Variants in PCTP observed in about 807,000 individuals in gnomAD.
PCTP encodes the protein START domain-containing protein 2.
PCTP carries 27 observed loss-of-function variants against 31.0 expected under a neutral mutation model. The ratio of observed to expected loss-of-function variants is 0.87; its 90% CI spans 0.64 to 1.20. The LOEUF is 1.20. Ranked by LOEUF, PCTP falls within the 50% of genes most tolerant of loss-of-function variation. The probability of loss-of-function intolerance (pLI) is 0.00; values close to 1 mark genes in which losing one functional copy is unlikely to be tolerated. For missense variants in PCTP, 287 were observed against 268.2 expected (o/e 1.07, Z -0.49); for synonymous variants, 108 against 101.2 (o/e 1.07, Z -0.40).
intron 1 of PCTP, among the ~76,000 whole-genome samples, chr17:55,761,051 G>A (rs1910315187): frequency 6.6e-6 from 1 of 152,300 alleles, no homozygotes; most frequent in East Asian, 1.9e-4. Flanking sequence ...AGACATTGTA[G>A]GGAATAGAAG....
At chr17:55,809,682 C>A (rs1292672015) in intron 3 of PCTP, among the ~76,000 whole-genome samples, 3 of 151,874 alleles carry the variant, frequency 2.0e-5, no homozygotes, top group Non-Finnish European at 4.4e-5. Flanking sequence ...GCCACCATGC[C>A]CAGCTAATTT....
intron 3 of PCTP, among the ~76,000 whole-genome samples, chr17:55,810,175 A>G (rs1278408584): frequency 6.6e-6 from 1 of 152,088 alleles, no homozygotes; most frequent in Non-Finnish European, 1.5e-5. Context: ...ATGCACCACT[A>G]TGTTGGCTAA....
In PCTP at chr17:55,767,445, T is replaced by C. The variant is rs1910729524; in HGVS notation, c.252T>C (p.Tyr84=). The C allele has an allele frequency of 6.3e-7, 1 of 1,587,518 alleles. No individual in the cohort carries two copies. The highest frequency in any genetic ancestry group is 1.4e-5 in the African/African-American group (1 of 72,742). Residue 84 remains tyrosine (Y), a synonymous_variant, in exon 2 of 6, where the codon TAT becomes TAC. Transcript: ENST00000268896. ...ATTACAGAAAACAATGGGACCAGTATGTTAAAGGTGAGTGATGCTTGCTTT... is the reference window on the plus strand; with the variant it reads ...ATTACAGAAAACAATGGGACCAGTACGTTAAAGGTGAGTGATGCTTGCTTT... ...DSDYRKQWDQ[Y]VKELYEQECN...
Position 55,776,017 on chromosome 17 carries a change from G to A in PCTP, c.580-18G>A. The stretch of plus-strand genomic sequence containing the variant: ...CCACTGTGAAGACATAGAAATGACA[G>A]TCTCATTTCCTTTGCAGAATGGAGT... On this transcript the variant is annotated intron_variant, in intron 5 of 5. Coordinates refer to ENST00000268896, the MANE Select transcript of PCTP (RefSeq NM_021213.4). The A allele has an allele frequency of 6.2e-7, 1 of 1,613,468 alleles. No homozygotes were observed. Among genetic ancestry groups the A allele is most frequent in the Non-Finnish European group, 8.5e-7 (1 of 1,179,812 alleles).
intron 3 of PCTP, among the ~76,000 whole-genome samples, chr17:55,813,802 G>C (rs555869726): frequency 6.6e-6 from 1 of 152,220 alleles, no homozygotes; most frequent in South Asian, 2.1e-4. Flanking sequence ...TAGAACTTTG[G>C]GAGGCTGAGG....
intron 3 of PCTP, among the ~76,000 whole-genome samples, chr17:55,795,453 T>G (rs1479417871): frequency 6.6e-6 from 1 of 152,024 alleles, no homozygotes; most frequent in Non-Finnish European, 1.5e-5. Context: ...CAGAGAACCA[T>G]CGTCTGCCTT....
At chr17:55,832,589 CA>C (rs1284818546) in intron 5 of PCTP, among the ~76,000 whole-genome samples, 1 of 152,212 alleles carries the variant, frequency 6.6e-6, no homozygotes, top group Admixed American at 6.5e-5. Flanking sequence ...TCGATGGCTT[CA>C]ACCTGAGTGT....
At chr17:55,751,548 C>G (rs1225484497) in intron 1 of PCTP, 4 of 1,344,626 alleles carry the variant, frequency 3.0e-6, no homozygotes, top group African/African-American at 3.0e-5. Context: ...TTCCTAGGCC[C>G]GTGCACACGT....
downstream of PCTP, among the ~76,000 whole-genome samples, chr17:55,845,085 CAAAAAAA>C (rs891404386): frequency 2.2e-3 from 70 of 32,524 alleles, no homozygotes; most frequent in East Asian, 0.01. Flanking sequence ...AAAACTCCAT[CAAAAAAA>C]AAAAAAAAAA....
At chr17:55,829,793 G>T (rs1367156916) in intron 5 of PCTP, among the ~76,000 whole-genome samples, 2 of 152,060 alleles carry the variant, frequency 1.3e-5, no homozygotes, top group Admixed American at 6.5e-5. Context: ...TCCACAGATG[G>T]TGGCTTGTGT....
downstream of PCTP, among the ~76,000 whole-genome samples, chr17:55,782,249 T>C (rs1203207866): frequency 6.6e-6 from 1 of 152,196 alleles, no homozygotes; most frequent in Non-Finnish European, 1.5e-5. Context: ...CATCAGCTAC[T>C]CAATTCAAAC....
chr17:55,798,921 A>G (rs900528983), intron 3 of PCTP, among the ~76,000 whole-genome samples: 2 of 151,980 alleles, frequency 1.3e-5, no homozygotes, highest in African/African-American at 4.8e-5. Flanking sequence ...ACCCTAGCAT[A>G]AAAGACAGCA....
At chr17:55,774,891 G>GGGGGGGGGGGGGGT in intron 5 of PCTP, 32 bp downstream of exon 5, 1 of 528,842 alleles carries the variant, frequency 1.9e-6, no homozygotes, top group Non-Finnish European at 3.7e-6. Context: ...CGGGGGGAGG[G>GGGGGGGGGGGGGGT]ATGGGGGAGT....
intron 2 of PCTP, among the ~76,000 whole-genome samples, chr17:55,786,085 C>A (rs956740271): frequency 6.6e-6 from 1 of 152,180 alleles, no homozygotes; most frequent in Non-Finnish European, 1.5e-5. Flanking sequence ...GAGTTCAAGA[C>A]CAGCCTGGCC....
At chr17:55,775,683 A>G in intron 5 of PCTP, 3 of 1,214,462 alleles carry the variant, frequency 2.5e-6, no homozygotes, top group Non-Finnish European at 3.1e-6. Flanking sequence ...TTTCTAATTC[A>G]GTAAAGCAAG....
At chr17:55,799,719 C>G (rs1055929516) in intron 3 of PCTP, among the ~76,000 whole-genome samples, 1 of 152,038 alleles carries the variant, frequency 6.6e-6, no homozygotes, top group Non-Finnish European at 1.5e-5. Context: ...ACCAGTTTTT[C>G]CTTTCCATAT....
At chr17:55,775,233 A>G in intron 5 of PCTP, 1 of 1,257,038 alleles carries the variant, frequency 8.0e-7, no homozygotes, top group East Asian at 3.0e-5. Context: ...CTTGGAGACA[A>G]CCAGATGTGT....
chr17:55,780,755 C>T (rs181569167), downstream of PCTP, among the ~76,000 whole-genome samples: 153 of 152,224 alleles, frequency 1.0e-3, 1 homozygote, highest in Middle Eastern at 3.4e-3. Context: ...AAAGTGTGGC[C>T]ATGGTATGTA....
chr17:55,757,383 A>G (rs1016274159), intron 1 of PCTP, among the ~76,000 whole-genome samples: 6 of 151,500 alleles, frequency 4.0e-5, no homozygotes, highest in African/African-American at 1.5e-4. Flanking sequence ...GTATCATTTC[A>G]TTCAATCGTC....
Sources: allele counts gnomAD v4.1 joint callset (sites outside exome capture counted in the v4.1 genomes callset), GRCh38; gene constraint gnomAD v4.1.1; transcripts MANE v1.5; gene names NCBI Gene and HGNC (gene_info 2026-07-23, HGNC 2026-07-21).